The following PLCB2 variants were observed in gnomAD, a reference collection of about 807,000 sequenced individuals.
PLCB2 encodes 1-phosphatidylinositol 4,5-bisphosphate phosphodiesterase beta-2.
A neutral mutation model predicts 141.7 loss-of-function variants in PLCB2; 115 were observed. That is an observed-to-expected ratio of 0.81 (90% CI 0.70 to 0.95). The LOEUF (loss-of-function observed/expected upper bound fraction) is 0.95, where lower values mean the gene tolerates loss of function less well. Among genes scored for constraint, PLCB2 ranks in the 40% least tolerant of loss-of-function variants. The pLI is 0.00. For missense variants in PLCB2, 1,403 were observed against 1,541.1 expected, an observed-to-expected ratio of 0.91 and a Z score of 1.50; for synonymous variants, 603 against 595.6, an observed-to-expected ratio of 1.01 and a Z score of -0.18.
rs376264542 is a variant in PLCB2, at chr15:40,298,301, G to A, written c.1077C>T (p.Asp359=). ...CGTCAGGGGGTTTCCCCTTCCAGCA[G>A]TCTAGCTCCACGCAACGGCAGCCAG... ...LLSGCRCVEL[D]CWKGKPPDEE... Residue 359 remains aspartate, a synonymous_variant, in exon 11 of 32, where the codon GAC becomes GAT. Coordinates refer to ENST00000260402, the MANE Select transcript of PLCB2 (RefSeq NM_004573.3). 94 of 1,607,502 alleles carry A rather than the reference G, an allele frequency of 5.8e-5. No individual in the cohort carries two copies. In the South Asian group the frequency reaches 6.2e-4, roughly 11 times the overall value.
chr15:40,290,009 C>G lies in PLCB2; in HGVS notation c.3267+16G>C. ...TGTGTGTGTGTGTGTTTAGGAAGGACACAGCCCTTACACACCTGCTTGATC... is the reference window on the plus strand; with the variant it reads ...TGTGTGTGTGTGTGTTTAGGAAGGAGACAGCCCTTACACACCTGCTTGATC... On this transcript the variant is annotated intron_variant, in intron 30 of 31. Coordinates refer to ENST00000260402, the MANE Select transcript of PLCB2 (RefSeq NM_004573.3). 1 of 1,434,408 alleles carries G rather than the reference C, an allele frequency of 7.0e-7. No individual in the cohort carries two copies. Among genetic ancestry groups the G allele is most frequent in the Non-Finnish European group, 9.8e-7 (1 of 1,017,396 alleles). 88.9% of individuals were successfully genotyped at this position (1,434,408 alleles called of 1,614,324 possible).
chr15:40,305,196 T>TTTTTTTA (rs1363625572), intron 1 of PLCB2, among the ~76,000 whole-genome samples: 1 of 141,878 alleles, frequency 7.0e-6, no homozygotes, highest in African/African-American at 2.6e-5. Context: ...TTTTTTTTTT[T>TTTTTTTA]ACCTTAAGTT....
At position 40,297,552 on chromosome 15, in the gene PLCB2, A is replaced by C; in HGVS notation, c.1292T>G (p.Met431Arg). Residue 431 changes from methionine (M) to arginine (R), a missense_variant, in exon 13 of 32, where the codon ATG (methionine) becomes AGG (arginine). Transcript: ENST00000260402. This position sits in a 1 kb window ranked among gnomAD's most constrained non-coding sequence, Gnocchi z 4.2. ...CTTTTCCAGGGGCTCTGTGAGCAGC[A>C]TATCCCCAAAGATCGTCCGGCAATA... ...AEYCRTIFGD[M>R]LLTEPLEKFP... 1.2e-6 allele frequency: 2 copies of C among 1,614,178 alleles called. No individual in the cohort carries two copies. The highest frequency in any genetic ancestry group is 1.7e-6 in the Non-Finnish European group (2 of 1,180,014).
At chr15:40,292,230 C>G in intron 22 of PLCB2, 72 bp from the exon 23 acceptor site, 1 of 1,516,118 alleles carries the variant, frequency 6.6e-7, no homozygotes, top group Non-Finnish European at 9.2e-7. Context: ...CTGTCCTCAC[C>G]CACTCCAGGA....
In PLCB2 at chr15:40,296,510, AC is replaced by A. The variant is rs34681015; in HGVS notation, c.1599+11del. 1.9e-6 allele frequency: 3 copies of A among 1,613,584 alleles called. No individual in the cohort carries two copies. Among genetic ancestry groups the A allele is most frequent in the East Asian group, 4.5e-5 (2 of 44,840 alleles). The stretch of plus-strand genomic sequence containing the variant: ...GGATGACACAGAGGGGCCTGGGGCT[AC>A]CCCCACACACCTCATCCGACTGCAT... On this transcript the variant is annotated intron_variant, in intron 15 of 31. Transcript: ENST00000260402.
rs1566876774 is a variant in PLCB2 at position 40,293,552 on chromosome 15, G to T, written c.2226+8C>A. On this transcript the variant is annotated splice_region_variant and intron_variant, in intron 20 of 31. Coordinates refer to ENST00000260402, the MANE Select transcript of PLCB2 (RefSeq NM_004573.3). ...ACAGACTCTGCCCTGCCATGCCCTG[G>T]CCCCCACCTTCTCAAAGACAAAGGG... is the stretch of plus-strand genomic sequence containing the variant. 6.2e-7 allele frequency: 1 copy of T among 1,612,852 alleles called. No homozygotes were observed. Among genetic ancestry groups the T allele is most frequent in the South Asian group, 1.1e-5 (1 of 91,064 alleles).
chr15:40,286,128 GCA>G (rs951317135), downstream of PLCB2: 14 of 744,854 alleles, frequency 1.9e-5, no homozygotes, highest in African/African-American at 2.7e-4. Flanking sequence ...TTGCTGCAGA[GCA>G]CAGAGGCACC....
At chr15:40,298,461 CTG>C (rs1325428904) in intron 10 of PLCB2, 81 bp from the exon 11 acceptor site, 4 of 1,590,120 alleles carry the variant, frequency 2.5e-6, no homozygotes, top group Non-Finnish European at 3.4e-6. Flanking sequence ...CCATCATGGT[CTG>C]TGTTATTCTC....
downstream of PLCB2, chr15:40,285,909 C>G (rs552873272): frequency 5.7e-5 from 56 of 985,330 alleles, no homozygotes; most frequent in Non-Finnish European, 6.7e-5. Flanking sequence ...TCCTGTTCCT[C>G]CGTGGTGGAT....
chr15:40,296,691 C>A, intron 14 of PLCB2, 55 bp downstream of exon 14: 1 of 1,610,780 alleles, frequency 6.2e-7, no homozygotes. Context: ...AGGTCCAGCC[C>A]CTCTCCTGTT....
Position 40,302,329 on chromosome 15 carries a change from C to A in PLCB2, c.393G>T (p.Leu131=). ...CCGTCAGCGGATGTTTGACTAGGGCCAGTACGTCCTCAGCCCAGGCCTGCA... is the reference window on the plus strand; with the variant it reads ...CCGTCAGCGGATGTTTGACTAGGGCAAGTACGTCCTCAGCCCAGGCCTGCA... ...NVGKAWAEDV[L]ALVKHPLTAN... The change falls in exon 5 of 32, where the codon CTG becomes CTT. Residue 131 remains leucine (L), a synonymous_variant. Transcript: ENST00000260402. 1 of 1,614,076 alleles carries A rather than the reference C, an allele frequency of 6.2e-7. No homozygotes were observed. The highest frequency in any genetic ancestry group is 8.5e-7 in the Non-Finnish European group (1 of 1,179,998).
chr15:40,296,437 G>C, intron 15 of PLCB2, 45 bp from the exon 16 acceptor site: 1 of 1,613,406 alleles, frequency 6.2e-7, no homozygotes, highest in South Asian at 1.1e-5. Flanking sequence ...ATGGTGCAGA[G>C]CCCAGGAATG....
rs1196377638 is a variant in PLCB2 at position 40,288,859 on chromosome 15, C to T, written c.3414G>A (p.Val1138=). The T allele has an allele frequency of 6.2e-7, 1 of 1,614,078 alleles. No homozygotes were observed. The highest frequency in any genetic ancestry group is 1.7e-5 in the Admixed American group (1 of 60,030). ...TGAGGCAGGCCCTCACCGACTCCTT[C>T]ACCTCTGCCTCCAGACCCTTCATCC... The part of the protein sequence containing the change: ...EARMKGLEAE[V]KESVRACLRT... The change falls in exon 32 of 32, where the codon GTG becomes GTA. Residue 1138 remains valine, a synonymous_variant. Coordinates refer to ENST00000260402, the MANE Select transcript of PLCB2 (RefSeq NM_004573.3).
intron 2 of PLCB2, 127 bp downstream of exon 2, chr15:40,303,874 G>A: frequency 1.5e-6 from 1 of 655,524 alleles, no homozygotes; most frequent in South Asian, 1.8e-5. Context: ...GGGAGCCTCT[G>A]GAGCCACCCT....
At chr15:40,304,855 G>A (rs1475769998) in intron 1 of PLCB2, among the ~76,000 whole-genome samples, 1 of 152,162 alleles carries the variant, frequency 6.6e-6, no homozygotes, top group Admixed American at 6.6e-5. Flanking sequence ...GAGCACATAG[G>A]CTACCTTTTA....
At position 40,292,452 on chromosome 15, in the gene PLCB2, C is replaced by T. The variant is rs1475248721; in HGVS notation, c.2327-9G>A. ...GCACAGGTGGTGGTACCCTGTGAGA[C>T]AGGACAGGGTAGGCAGTGAGCCAGA... is the stretch of plus-strand genomic sequence containing the variant. On this transcript the variant is annotated splice_polypyrimidine_tract_variant and intron_variant, in intron 21 of 31. Coordinates refer to ENST00000260402, the MANE Select transcript of PLCB2 (RefSeq NM_004573.3). 1 of 1,592,616 alleles carries T rather than the reference C, an allele frequency of 6.3e-7. No individual in the cohort carries two copies. Among genetic ancestry groups the T allele is most frequent in the Admixed American group, 1.7e-5 (1 of 59,862 alleles).
At chr15:40,290,443 A>G in intron 29 of PLCB2, 134 bp downstream of exon 29, 1 of 728,436 alleles carries the variant, frequency 1.4e-6, no homozygotes. Context: ...CAAAGGTGAC[A>G]GGGGGGATCC....
chr15:40,298,173 G>A, intron 11 of PLCB2, 50 bp downstream of exon 11: 1 of 1,519,102 alleles, frequency 6.6e-7, no homozygotes, highest in Non-Finnish European at 8.9e-7. Context: ...TTCTGGCCCA[G>A]AGCCCTTCCC....
In PLCB2 at chr15:40,296,269, AC is replaced by A. The variant is rs1253878114; in HGVS notation, c.1696+26del. 1.9e-6 allele frequency: 3 copies of A among 1,552,126 alleles called. No homozygotes were observed. In the South Asian group the frequency reaches 3.4e-5, roughly 18 times the overall value. On this transcript the variant is annotated intron_variant, in intron 16 of 31. Coordinates refer to ENST00000260402, the MANE Select transcript of PLCB2 (RefSeq NM_004573.3). Reference sequence around the variant, plus strand: ...GGGGAGATCCCCCTTCTTCTTACCCACCCGTAAGTTACTCATGCTAACTTAC... The same window carrying A: ...GGGGAGATCCCCCTTCTTCTTACCCACCGTAAGTTACTCATGCTAACTTAC...
Sources: gnomAD v4.1 joint callset for allele counts (sites outside exome capture counted in the v4.1 genomes callset) on GRCh38, gnomAD v4.1.1 for gene constraint, Gnocchi (gnomAD v3.1) non-coding constraint, MANE v1.5 for transcripts, NCBI Gene and HGNC (gene_info 2026-07-23, HGNC 2026-07-21) for gene names.